Variants in LRP12 observed in about 807,000 individuals in gnomAD.
LRP12 encodes low-density lipoprotein receptor-related protein 12.
Under a neutral mutation model 66.0 loss-of-function variants are expected in LRP12, and 14 were observed. That is an observed-to-expected ratio of 0.21 (90% CI 0.14 to 0.33). The LOEUF is 0.33. LRP12 is among the 10% of genes least tolerant of loss of function. The pLI is 1.00. For synonymous variants in LRP12, 357 were observed against 359.1 expected (o/e 0.99, Z 0.07); for missense variants, 889 against 1,053.4 (o/e 0.84, Z 2.16).
chr8:104,494,582 G>T (rs1810692309), intron 6 of LRP12, among the ~76,000 whole-genome samples: 1 of 152,064 alleles, frequency 6.6e-6, no homozygotes, highest in Admixed American at 6.6e-5. Context: ...GAAATTGAAA[G>T]AATTCAGAAA....
chr8:104,490,347 G>T lies in LRP12; in HGVS notation c.*326C>A, dbSNP rs1445992693. ...TTGTAAAAACAAACCATTTAACATA[G>T]GATAGATAAAAATGACAATCAAATG... On this transcript the variant is annotated 3_prime_UTR_variant, in exon 7 of 7. Coordinates refer to ENST00000276654, the MANE Select transcript of LRP12 (RefSeq NM_013437.5). 1 of 225,418 alleles carries T rather than the reference G, an allele frequency of 4.4e-6. No individual in the cohort carries two copies. Among genetic ancestry groups the T allele is most frequent in the Non-Finnish European group, 8.7e-6 (1 of 115,500 alleles). The allele number at this position is 225,418 out of a possible 1,614,324, so 14.0% of individuals were successfully genotyped here.
chr8:104,560,779 T>C (rs1811894561), intron 1 of LRP12, among the ~76,000 whole-genome samples: 1 of 152,198 alleles, frequency 6.6e-6, no homozygotes. Context: ...TCTCCTGTTT[T>C]TTCAGTTTGC....
intron 2 of LRP12, among the ~76,000 whole-genome samples, chr8:104,511,970 TGAC>T (rs1422897137): frequency 1.3e-5 from 2 of 152,230 alleles, no homozygotes; most frequent in African/African-American, 4.8e-5. Flanking sequence ...TTTTAATAAA[TGAC>T]GTTTTAGAAA....
rs2140906376 is a variant in LRP12 at position 104,588,988 on chromosome 8, C to CCGA, written c.-92_-91insTCG. On this transcript the variant is annotated 5_prime_UTR_variant, in exon 1 of 7. Coordinates refer to ENST00000276654, the MANE Select transcript of LRP12 (RefSeq NM_013437.5). ...GACGCCGACGCCGCCGCCGCCGCCG[C>CCGA]CGCCGCCGCCGAGCCACCGGCTGCT... The CCGA allele has an allele frequency of 4.3e-6, 4 of 922,664 alleles. No individual in the cohort carries two copies. The highest frequency in any genetic ancestry group is 4.8e-6 in the Non-Finnish European group (3 of 622,862). The allele number at this position is 922,664 out of a possible 1,614,324, so 57.2% of individuals were successfully genotyped here.
intron 1 of LRP12, among the ~76,000 whole-genome samples, chr8:104,565,220 G>C (rs1314285054): frequency 6.6e-6 from 1 of 151,968 alleles, no homozygotes; most frequent in Non-Finnish European, 1.5e-5. Context: ...CACACAACTA[G>C]ACATATACAC....
chr8:104,530,841 C>T (rs1811315657), intron 2 of LRP12, among the ~76,000 whole-genome samples: 1 of 152,036 alleles, frequency 6.6e-6, no homozygotes, highest in Non-Finnish European at 1.5e-5. Context: ...TTTAAAATAA[C>T]CTTACTGTTA....
At chr8:104,539,950 CA>C (rs1241244561) in intron 1 of LRP12, among the ~76,000 whole-genome samples, 2 of 151,978 alleles carry the variant, frequency 1.3e-5, no homozygotes, top group Admixed American at 6.6e-5. Context: ...TATAGTTTGC[CA>C]AAAAGGCAGG....
At position 104,509,047 on chromosome 8, in the gene LRP12, C is replaced by T. The variant is rs1340141444; in HGVS notation, c.164G>A (p.Arg55Gln). 1.1e-5 allele frequency: 17 copies of T among 1,613,626 alleles called. No homozygotes were observed. Among genetic ancestry groups the T allele is most frequent in the South Asian group, 5.5e-5 (5 of 91,040 alleles). Residue 55 changes from arginine (R) to glutamine (Q), a missense_variant, in exon 3 of 7, where the codon CGA (arginine) becomes CAA (glutamine). Arg to Gln is a conservative substitution (Grantham distance 43). Coordinates refer to ENST00000276654, the MANE Select transcript of LRP12 (RefSeq NM_013437.5). ...GCTTGTGATTATGCCACTTGGTGCT[C>T]GTATTTGCTCTGGAGTCTCTCCACA... Reference protein sequence around the residue: ...TACGETPEQIRAPSGIITSPG... With the variant: ...TACGETPEQIQAPSGIITSPG...
At chr8:104,522,623 GTTGTATCAT>G (rs937850836) in intron 2 of LRP12, among the ~76,000 whole-genome samples, 1 of 152,096 alleles carries the variant, frequency 6.6e-6, no homozygotes, top group Non-Finnish European at 1.5e-5. Flanking sequence ...ATATTTGGAA[GTTGTATCAT>G]TGGTAATTGG....
At chr8:104,510,689 T>C (rs1376118205) in intron 2 of LRP12, among the ~76,000 whole-genome samples, 3 of 152,096 alleles carry the variant, frequency 2.0e-5, no homozygotes, top group Admixed American at 1.3e-4. Context: ...AAATTAGAAG[T>C]GGGGAGAGTA....
At chr8:104,556,707 T>C (rs1263091572) in intron 1 of LRP12, among the ~76,000 whole-genome samples, 2 of 152,060 alleles carry the variant, frequency 1.3e-5, no homozygotes, top group Non-Finnish European at 2.9e-5. Context: ...TTGGTACCAA[T>C]CCCATTAACA....
chr8:104,524,662 T>C (rs1811203342), intron 2 of LRP12, among the ~76,000 whole-genome samples: 1 of 152,216 alleles, frequency 6.6e-6, no homozygotes, highest in Admixed American at 6.5e-5. Context: ...TTAAGGTATG[T>C]ACACAAAAGG....
At chr8:104,530,912 T>C (rs766704168) in intron 2 of LRP12, among the ~76,000 whole-genome samples, 13 of 152,220 alleles carry the variant, frequency 8.5e-5, no homozygotes, top group Non-Finnish European at 1.8e-4. Context: ...AAACAAACTA[T>C]GAAAAAAAAT....
Position 104,514,369 on chromosome 8 carries a change from T to A in LRP12, c.137-5295A>T, listed in dbSNP as rs540432054. On this transcript the variant is annotated intron_variant, in intron 2 of 6. Coordinates refer to ENST00000276654, the MANE Select transcript of LRP12 (RefSeq NM_013437.5). Reference sequence around the variant, plus strand: ...TATTACTGTTACTCATTTTACATTATAGATTTGAGGTGGCTTATTATTATA... The same window carrying A: ...TATTACTGTTACTCATTTTACATTAAAGATTTGAGGTGGCTTATTATTATA... Among the ~76,000 whole-genome samples the A allele has an allele frequency of 1.8e-4, 28 of 152,148 alleles. No homozygotes were observed. The South Asian group carries it at 5.6e-3, about 30-fold the overall frequency.
intron 1 of LRP12, among the ~76,000 whole-genome samples, chr8:104,574,683 A>G (rs1812134666): frequency 6.6e-6 from 1 of 152,210 alleles, no homozygotes; most frequent in African/African-American, 2.4e-5. Flanking sequence ...AAAATTTACA[A>G]CGGATTTTGA....
intron 1 of LRP12, among the ~76,000 whole-genome samples, chr8:104,570,168 G>C (rs1812057138): frequency 6.6e-6 from 1 of 151,998 alleles, no homozygotes; most frequent in Non-Finnish European, 1.5e-5. Flanking sequence ...CTGCATTCAT[G>C]GATTAGAAAA....
At chr8:104,580,366 A>C (rs892156509) in intron 1 of LRP12, among the ~76,000 whole-genome samples, 2 of 151,056 alleles carry the variant, frequency 1.3e-5, no homozygotes, top group African/African-American at 4.9e-5. Flanking sequence ...AATAAAAAAA[A>C]AAAAAAAAAA....
intron 2 of LRP12, among the ~76,000 whole-genome samples, chr8:104,512,543 A>C (rs1036769365): frequency 1.3e-5 from 2 of 152,204 alleles, no homozygotes; most frequent in Non-Finnish European, 2.9e-5. Flanking sequence ...CCATGTAAGT[A>C]CTCAACTATT....
intron 1 of LRP12, among the ~76,000 whole-genome samples, chr8:104,536,060 A>G (rs183699386): frequency 7.5e-4 from 114 of 152,224 alleles, no homozygotes; most frequent in Admixed American, 1.2e-3. Context: ...AAACATATAA[A>G]CCAAAAAAGC....
Sources: allele counts gnomAD v4.1 joint callset (sites outside exome capture counted in the v4.1 genomes callset), GRCh38; gene constraint gnomAD v4.1.1; transcripts MANE v1.5; gene names NCBI Gene and HGNC (gene_info 2026-07-23, HGNC 2026-07-21).